Variants in SLC39A9 observed in about 807,000 individuals in gnomAD.
SLC39A9 encodes the protein solute carrier family 39 member 9.
Under a neutral mutation model 28.4 loss-of-function variants are expected in SLC39A9, and 14 were observed. The ratio of observed to expected loss-of-function variants is 0.49; its 90% CI spans 0.33 to 0.77. The LOEUF is 0.77. Ranked by LOEUF, SLC39A9 falls within the 30% of genes least tolerant of loss-of-function variation. SLC39A9 has a pLI of 0.02. For missense variants in SLC39A9, 283 were observed against 381.1 expected (o/e 0.74, Z 2.14); for synonymous variants, 119 against 149.6 (o/e 0.80, Z 1.49).
At position 69,422,214 on chromosome 14, in the gene SLC39A9, G is replaced by A. The variant is rs148168379; in HGVS notation, c.97-1880G>A. Among the ~76,000 whole-genome samples the A allele has an allele frequency of 1.1e-3, 175 of 152,200 alleles. 2 individuals carry two copies. Among genetic ancestry groups the A allele is most frequent in the African/African-American group, 3.8e-3 (158 of 41,516 alleles). The stretch of plus-strand genomic sequence containing the variant: ...GTTCATGATGTACCATTAAATTATT[G>A]AAACTTTTTCATAAACAACATATAT... On this transcript the variant is annotated intron_variant, in intron 1 of 6. Transcript: ENST00000336643.
chr14:69,451,011 A>AT (rs1885584335), intron 3 of SLC39A9, among the ~76,000 whole-genome samples: 1 of 152,232 alleles, frequency 6.6e-6, no homozygotes, highest in African/African-American at 2.4e-5. Flanking sequence ...TTATAGGTTT[A>AT]TAAAAACTTT....
intron 2 of SLC39A9, among the ~76,000 whole-genome samples, chr14:69,434,219 G>A (rs1884634934): frequency 6.6e-6 from 1 of 151,072 alleles, no homozygotes; most frequent in Non-Finnish European, 1.5e-5. Context: ...AAGTAGCTGG[G>A]ATTACAGGCG....
intron 3 of SLC39A9, among the ~76,000 whole-genome samples, chr14:69,451,046 T>C (rs889925985): frequency 2.6e-5 from 4 of 152,362 alleles, no homozygotes; most frequent in Admixed American, 1.3e-4. Flanking sequence ...TCTAATTGTT[T>C]AAGATCCTAA....
intron 6 of SLC39A9, 67 bp downstream of exon 6, chr14:69,455,933 A>C: frequency 6.4e-7 from 1 of 1,560,778 alleles, no homozygotes; most frequent in African/African-American, 1.4e-5. Flanking sequence ...ATGATCTCTT[A>C]GATTGAATTT....
intron 2 of SLC39A9, among the ~76,000 whole-genome samples, chr14:69,438,850 A>G (rs1884906157): frequency 1.3e-5 from 2 of 152,242 alleles, no homozygotes; most frequent in African/African-American, 4.8e-5. Flanking sequence ...GCCATGTATC[A>G]GATTCTTTAT....
intron 3 of SLC39A9, among the ~76,000 whole-genome samples, chr14:69,449,935 C>T (rs969456861): frequency 6.6e-6 from 1 of 152,096 alleles, no homozygotes; most frequent in African/African-American, 2.4e-5. Context: ...CACCTGTAAT[C>T]CCAGCACTTT....
chr14:69,410,114 A>G (rs1883186067), intron 1 of SLC39A9, among the ~76,000 whole-genome samples: 1 of 152,124 alleles, frequency 6.6e-6, no homozygotes, highest in African/African-American at 2.4e-5. Flanking sequence ...ATTTATATTT[A>G]TTTCTTTTAT....
chr14:69,438,641 G>A (rs762003248), intron 2 of SLC39A9, among the ~76,000 whole-genome samples: 16 of 152,168 alleles, frequency 1.1e-4, no homozygotes, highest in Non-Finnish European at 1.3e-4. Context: ...AAAGATTGTT[G>A]GGTAATGCAG....
At chr14:69,416,816 G>A (rs1566910657) in intron 1 of SLC39A9, among the ~76,000 whole-genome samples, 1 of 152,142 alleles carries the variant, frequency 6.6e-6, no homozygotes, top group Non-Finnish European at 1.5e-5. Context: ...TTTTGATGGG[G>A]TTGTTTCATT....
chr14:69,434,077 TC>T (rs1884624045), intron 2 of SLC39A9, among the ~76,000 whole-genome samples: 1 of 139,922 alleles, frequency 7.1e-6, no homozygotes, highest in African/African-American at 2.6e-5. Context: ...GTAATTCTTT[TC>T]TTTTCTTTTT....
rs2139468888 is a variant in SLC39A9 at position 69,461,719 on chromosome 14, C to G, written c.*3126C>G. 6.5e-7 allele frequency: 1 copy of G among 1,535,864 alleles called. No individual in the cohort carries two copies. Among genetic ancestry groups the G allele is most frequent in the Non-Finnish European group, 8.7e-7 (1 of 1,146,838 alleles). ...AAGGATTAGAACTAAGAGGACACAC[C>G]AGCATCGGAGTGTATTAAGCCCCTG... On this transcript the variant is annotated 3_prime_UTR_variant, in exon 7 of 7. Coordinates refer to ENST00000336643, the MANE Select transcript of SLC39A9 (RefSeq NM_018375.5).
rs531297173 is a variant in SLC39A9 at position 69,420,719 on chromosome 14, A to C, written c.97-3375A>C. Among the ~76,000 whole-genome samples the C allele has an allele frequency of 1.3e-4, 19 of 151,856 alleles. 1 individual carries two copies. The highest frequency in any genetic ancestry group is 5.9e-4 in the Admixed American group (9 of 15,238). The stretch of plus-strand genomic sequence containing the variant: ...TTTCTTTTTACTCTTTTTTTCTCTA[A>C]ACTTCTCACTTCATTTCATTAATTT... On this transcript the variant is annotated intron_variant, in intron 1 of 6. Coordinates refer to ENST00000336643, the MANE Select transcript of SLC39A9 (RefSeq NM_018375.5).
intron 4 of SLC39A9, among the ~76,000 whole-genome samples, chr14:69,453,617 A>T (rs910515125): frequency 3.9e-5 from 6 of 152,142 alleles, no homozygotes; most frequent in African/African-American, 1.4e-4. Flanking sequence ...TTGCCCATGT[A>T]TTTATGTATT....
At chr14:69,426,541 C>G (rs1386857505) in intron 2 of SLC39A9, among the ~76,000 whole-genome samples, 1 of 152,326 alleles carries the variant, frequency 6.6e-6, no homozygotes, top group East Asian at 1.9e-4. Flanking sequence ...AATTCTTCAC[C>G]TTTCTATCAG....
At chr14:69,450,410 C>G (rs751907495) in intron 3 of SLC39A9, among the ~76,000 whole-genome samples, 8 of 151,980 alleles carry the variant, frequency 5.3e-5, no homozygotes, top group Non-Finnish European at 1.0e-4. Flanking sequence ...ATTTTTCCTC[C>G]TCAGTAAGTT....
At chr14:69,421,738 C>T (rs1325767130) in intron 1 of SLC39A9, among the ~76,000 whole-genome samples, 1 of 152,206 alleles carries the variant, frequency 6.6e-6, no homozygotes, top group Non-Finnish European at 1.5e-5. Context: ...GTCAGGCTGC[C>T]TCCTTGAAGT....
Position 69,459,499 on chromosome 14 carries a change from T to G in SLC39A9, c.*906T>G, listed in dbSNP as rs1886018156. On this transcript the variant is annotated 3_prime_UTR_variant, in exon 7 of 7. Coordinates refer to ENST00000336643, the MANE Select transcript of SLC39A9 (RefSeq NM_018375.5). ...AGTGATTTTTGGATGGTTATTGATA[T>G]CTTTGTAGTAGCTTTTTTTAAAAGA... The G allele has an allele frequency of 2.0e-6, 2 of 983,936 alleles. No homozygotes were observed. The highest frequency in any genetic ancestry group is 2.4e-6 in the Non-Finnish European group (2 of 828,578). 61.0% of individuals were successfully genotyped at this position (983,936 alleles called of 1,614,324 possible).
In SLC39A9 at chr14:69,424,177, T is replaced by C. The variant is rs779286218; in HGVS notation, c.180T>C (p.His60=). 6.2e-7 allele frequency: 1 copy of C among 1,613,296 alleles called. No homozygotes were observed. Among genetic ancestry groups the C allele is most frequent in the African/African-American group, 1.3e-5 (1 of 74,924 alleles). Reference sequence around the variant, plus strand: ...CAGTCATCGTGCCTGAAGGAGTACATGCCCTTTATGAAGATATTCTTGAGG... The same window carrying C: ...CAGTCATCGTGCCTGAAGGAGTACACGCCCTTTATGAAGATATTCTTGAGG... ...ALAVIVPEGV[H]ALYEDILEGK... The change falls in exon 2 of 7, where the codon CAT becomes CAC. Residue 60 remains histidine, a synonymous_variant. Coordinates refer to ENST00000336643, the MANE Select transcript of SLC39A9 (RefSeq NM_018375.5).
In SLC39A9 at chr14:69,406,975, C is replaced by G. The variant is rs572686063; in HGVS notation, c.96+7510C>G. ...AAGCAATTCTCCTGCCTCAGCCCCC[C>G]CAGTAGATGGGATTACAGGTGCGTG... On this transcript the variant is annotated intron_variant, in intron 1 of 6. Transcript: ENST00000336643. Among the ~76,000 whole-genome samples the G allele has an allele frequency of 1.3e-4, 19 of 150,956 alleles. No individual in the cohort carries two copies. In the East Asian group the frequency reaches 2.6e-3, roughly 21 times the overall value.
Sources: allele counts gnomAD v4.1 joint callset (sites outside exome capture counted in the v4.1 genomes callset), GRCh38; gene constraint gnomAD v4.1.1; transcripts MANE v1.5; gene names NCBI Gene and HGNC (gene_info 2026-07-23, HGNC 2026-07-21).